Variants in ODF2 observed in about 807,000 individuals in gnomAD.
ODF2 encodes outer dense fiber of sperm tails 2.
A neutral mutation model predicts 110.2 loss-of-function variants in ODF2; 47 were observed. That is an observed-to-expected ratio of 0.43 (90% CI 0.34 to 0.54). ODF2 has a LOEUF of 0.54. ODF2 is among the 20% of genes least tolerant of loss of function. The pLI is 0.03. For missense variants in ODF2, 812 were observed against 1,054.5 expected (o/e 0.77, Z 3.19); for synonymous variants, 352 against 397.7 (o/e 0.89, Z 1.37).
chr9:128,484,174 A>G, intron 11 of ODF2, 120 bp downstream of exon 11: 1 of 724,220 alleles, frequency 1.4e-6, no homozygotes, highest in Non-Finnish European at 2.4e-6. Flanking sequence ...GAGGCAGCTG[A>G]TGACAAAATA....
intron 1 of ODF2, chr9:128,457,135 C>A: frequency 6.8e-7 from 1 of 1,460,388 alleles, no homozygotes; most frequent in Non-Finnish European, 9.1e-7. Flanking sequence ...GCCCCGTCCC[C>A]TCCCCTTCCT....
chr9:128,494,657 C>G lies in ODF2; in HGVS notation c.1900C>G (p.Leu634Val). 6.2e-6 allele frequency: 10 copies of G among 1,614,180 alleles called. No individual in the cohort carries two copies. Among genetic ancestry groups the G allele is most frequent in the East Asian group, 2.2e-5 (1 of 44,872 alleles). ...CGACCTCACAGCCATCATATCAGAC[C>G]TGCGCAGCCGGGTAAGGGACTGGCA... Residue 634 changes from leucine (L) to valine (V), a missense_variant, in exon 17 of 21, where the codon CTG (leucine) becomes GTG (valine). By Grantham distance (32) the Leu-to-Val change is conservative. This residue lies in a region of ODF2 where 165 missense variants were observed against 293.4 expected (regional missense o/e 0.56). Coordinates refer to ENST00000604420, the Ensembl canonical transcript of ODF2. This position sits in a 1 kb window ranked among gnomAD's most constrained non-coding sequence, Gnocchi z 4.6.
chr9:128,488,016 G>A, exon 14 of ODF2: 1 of 1,613,888 alleles, frequency 6.2e-7, no homozygotes. Context: ...TGGAGAATGA[G>A]AGGCTGAAGG....
Position 128,485,842 on chromosome 9 carries a change from C to T in ODF2, c.1400+368C>T, listed in dbSNP as rs185648631. ...TTGGGGAATGGGGCAGATGGTGACC[C>T]GAGTGTCTTCTCTCTGTTGTCTGTC... On this transcript the variant is annotated intron_variant, in intron 13 of 20. Coordinates refer to ENST00000604420, the Ensembl canonical transcript of ODF2. This position sits in a 1 kb window ranked among gnomAD's most constrained non-coding sequence, Gnocchi z 5.0. Among the ~76,000 whole-genome samples the T allele has an allele frequency of 3.3e-3, 497 of 152,140 alleles. 3 individuals carry two copies. Among genetic ancestry groups the T allele is most frequent in the East Asian group, 9.3e-3 (48 of 5,182 alleles).
At chr9:128,461,050 G>A in exon 4 of ODF2, 1 of 1,614,144 alleles carries the variant, frequency 6.2e-7, no homozygotes, top group Non-Finnish European at 8.5e-7. Context: ...TGCCCGGCCT[G>A]TGGGATGCAA....
chr9:128,482,251 G>A (rs563158265), intron 9 of ODF2, among the ~76,000 whole-genome samples: 1 of 152,360 alleles, frequency 6.6e-6, no homozygotes, highest in South Asian at 2.1e-4. Context: ...GTTTCCCAAG[G>A]TGTGGTCTGT....
At chr9:128,498,344 A>G in intron 18 of ODF2, 69 bp from the exon 19 acceptor site, 1 of 1,438,414 alleles carries the variant, frequency 7.0e-7, no homozygotes, top group Non-Finnish European at 9.1e-7. Flanking sequence ...AGAGGCTGGC[A>G]GCCCCCTGGC....
chr9:128,478,965 G>C (rs1841900524), intron 8 of ODF2, among the ~76,000 whole-genome samples: 1 of 152,154 alleles, frequency 6.6e-6, no homozygotes, highest in Non-Finnish European at 1.5e-5. Context: ...GATAGTGCAT[G>C]GCTCTTAGAG....
chr9:128,461,977 T>C (rs1836578764), intron 4 of ODF2, among the ~76,000 whole-genome samples: 1 of 152,184 alleles, frequency 6.6e-6, no homozygotes, highest in Non-Finnish European at 1.5e-5. Flanking sequence ...ATTAGACTGC[T>C]GCCTTACATT....
At chr9:128,488,356 T>C (rs1843826650) in intron 14 of ODF2, among the ~76,000 whole-genome samples, 1 of 151,678 alleles carries the variant, frequency 6.6e-6, no homozygotes, top group Non-Finnish European at 1.5e-5. Context: ...GCCTGGGAGG[T>C]TGAGGCTGTG....
Position 128,498,345 on chromosome 9 carries a change from G to T in ODF2, c.2013-68G>T, listed in dbSNP as rs543977824. On this transcript the variant is annotated intron_variant, in intron 18 of 20. Coordinates refer to ENST00000604420, the Ensembl canonical transcript of ODF2. ...ATCCCCAGTCCAGGAGAGGCTGGCA[G>T]CCCCCTGGCGGGGTGGAACATGACA... The T allele has an allele frequency of 2.8e-6, 4 of 1,437,168 alleles. No individual in the cohort carries two copies. The African/African-American group carries it at 4.3e-5, about 15-fold the overall frequency. 89.0% of individuals were successfully genotyped at this position (1,437,168 alleles called of 1,614,324 possible).
In ODF2 at chr9:128,496,598, G is replaced by C. The variant is rs112907596; in HGVS notation, c.2012+457G>C. On this transcript the variant is annotated intron_variant, in intron 18 of 20. Coordinates refer to ENST00000604420, the Ensembl canonical transcript of ODF2. ...GTGAAGGGTACGGCTTTGGGAATCA[G>C]AAGCCCTGGCCTTGGGGCCCAGCTC... Among the ~76,000 whole-genome samples, 137 of 152,376 alleles carry C rather than the reference G, an allele frequency of 9.0e-4. 1 individual carries two copies. The highest frequency in any genetic ancestry group is 3.0e-3 in the African/African-American group (123 of 41,592).
intron 14 of ODF2, among the ~76,000 whole-genome samples, chr9:128,492,125 A>G (rs1027258638): frequency 3.3e-5 from 5 of 152,168 alleles, no homozygotes; most frequent in African/African-American, 1.2e-4. Context: ...TCGGCCTCCC[A>G]AAGTGCTGGG....
At chr9:128,456,153 G>C (rs1001112480) in exon 1 of ODF2, 13 of 1,549,094 alleles carry the variant, frequency 8.4e-6, no homozygotes, top group Non-Finnish European at 1.1e-5. Flanking sequence ...GCCGCTGCCA[G>C]AGCCAGACTG....
At chr9:128,492,470 C>T (rs1464274856) in exon 15 of ODF2, 10 of 1,613,828 alleles carry the variant, frequency 6.2e-6, no homozygotes, top group African/African-American at 2.7e-5. Context: ...AGGCACACCT[C>T]GAGGTCCAGC....
In ODF2 at chr9:128,485,989, C is replaced by T. The variant is rs544394981; in HGVS notation, c.1400+515C>T. Among the ~76,000 whole-genome samples, 16 of 152,248 alleles carry T rather than the reference C, an allele frequency of 1.1e-4. No homozygotes were observed. The highest frequency in any genetic ancestry group is 1.6e-4 in the Non-Finnish European group (11 of 68,012). On this transcript the variant is annotated intron_variant, in intron 13 of 20. Coordinates refer to ENST00000604420, the Ensembl canonical transcript of ODF2. The surrounding 1 kb of genome is among the most constrained non-coding windows in gnomAD (Gnocchi z 5.0). Reference sequence around the variant, plus strand: ...GAGCTGACACCTTTCTTGCCACTGGCGAACTGTGAATAGTGACCATTCCAT... The same window carrying T: ...GAGCTGACACCTTTCTTGCCACTGGTGAACTGTGAATAGTGACCATTCCAT...
chr9:128,466,303 C>A (rs1489977029), intron 4 of ODF2, among the ~76,000 whole-genome samples: 2 of 151,616 alleles, frequency 1.3e-5, no homozygotes, highest in Non-Finnish European at 2.9e-5. Context: ...GTATCTCTAC[C>A]AAAAATACAA....
intron 19 of ODF2, 124 bp from the exon 20 acceptor site, chr9:128,498,877 A>G: frequency 7.6e-7 from 1 of 1,314,030 alleles, no homozygotes; most frequent in Non-Finnish European, 1.1e-6. Context: ...CGTTCTAGAG[A>G]ACACAGTCCA....
intron 2 of ODF2, chr9:128,457,544 A>C: frequency 7.2e-7 from 1 of 1,392,528 alleles, no homozygotes; most frequent in Non-Finnish European, 9.5e-7. Flanking sequence ...GTGTTTGCTG[A>C]AAGTCTGGAC....
Sources: gnomAD v4.1 joint callset for allele counts (sites outside exome capture counted in the v4.1 genomes callset) on GRCh38, gnomAD v4.1.1 for gene constraint, gnomAD v4.1.1 regional missense constraint, Gnocchi (gnomAD v3.1) non-coding constraint, MANE v1.5 for transcripts, NCBI Gene and HGNC (gene_info 2026-07-23, HGNC 2026-07-21) for gene names.